The following AGBL4 variants were observed in gnomAD, a reference collection of about 807,000 sequenced individuals.
AGBL4 encodes AGBL carboxypeptidase 4.
AGBL4 carries 58 observed loss-of-function variants against 66.4 expected under a neutral mutation model. The observed-to-expected ratio is 0.87, with a 90% CI of 0.71 to 1.09. The LOEUF (loss-of-function observed/expected upper bound fraction) is 1.09, where lower values mean the gene tolerates loss of function less well. Among genes scored for constraint, AGBL4 ranks in the 50% least tolerant of loss-of-function variants. The pLI, the probability that AGBL4 is intolerant of heterozygous loss-of-function variation, is 0.00. For missense variants in AGBL4, 579 were observed against 631.0 expected (o/e 0.92, Z 0.88); for synonymous variants, 234 against 222.9 (o/e 1.05, Z -0.44).
intron 3 of AGBL4, among the ~76,000 whole-genome samples, chr1:49,295,019 T>C (rs1644612694): frequency 1.3e-5 from 2 of 152,210 alleles, no homozygotes. Context: ...AATGAATAAA[T>C]GTATGAATGC....
At chr1:49,678,752 T>C (rs1485618732) in intron 3 of AGBL4, among the ~76,000 whole-genome samples, 1 of 152,138 alleles carries the variant, frequency 6.6e-6, no homozygotes, top group Non-Finnish European at 1.5e-5. Context: ...AGTTTACAAA[T>C]GTTTGAAGAT....
chr1:48,642,007 A>G (rs1180580216), intron 8 of AGBL4, among the ~76,000 whole-genome samples: 1 of 152,172 alleles, frequency 6.6e-6, no homozygotes, highest in Non-Finnish European at 1.5e-5. Flanking sequence ...CACCCAGGGT[A>G]ATAAGTTGCA....
At chr1:49,738,547 G>C (rs1263649609) in intron 2 of AGBL4, among the ~76,000 whole-genome samples, 1 of 152,202 alleles carries the variant, frequency 6.6e-6, no homozygotes, top group African/African-American at 2.4e-5. Flanking sequence ...TGACAGCTTT[G>C]AAGAGCGTAG....
chr1:49,030,170 T>C (rs1237233565), intron 5 of AGBL4, among the ~76,000 whole-genome samples: 4 of 152,098 alleles, frequency 2.6e-5, no homozygotes, highest in Non-Finnish European at 5.9e-5. Flanking sequence ...GAAATCCTAA[T>C]CCCCAATGTG....
At position 49,051,877 on chromosome 1, in the gene AGBL4, C is replaced by T. The variant is rs1216101132; in HGVS notation, c.378-6077G>A. On this transcript the variant is annotated intron_variant, in intron 4 of 13. Transcript: ENST00000371839. ...GAGTAAGAGAGTGCTCAGATACAGG[C>T]AACACATTTTTACACCCAGTGTCTA... Among the ~76,000 whole-genome samples, 3 of 152,194 alleles carry T rather than the reference C, an allele frequency of 2.0e-5. No homozygotes were observed. In the East Asian group the frequency reaches 5.8e-4, roughly 29 times the overall value.
At chr1:49,981,695 T>G (rs1659069619) in intron 1 of AGBL4, among the ~76,000 whole-genome samples, 1 of 152,178 alleles carries the variant, frequency 6.6e-6, no homozygotes, top group Non-Finnish European at 1.5e-5. Flanking sequence ...CTGATCAAGA[T>G]AATAATCGCA....
At chr1:49,663,609 C>A (rs1174936478) in intron 3 of AGBL4, among the ~76,000 whole-genome samples, 1 of 152,044 alleles carries the variant, frequency 6.6e-6, no homozygotes, top group Non-Finnish European at 1.5e-5. Flanking sequence ...AATACTGAGT[C>A]ACTTTGTAAC....
intron 3 of AGBL4, among the ~76,000 whole-genome samples, chr1:49,657,706 C>G (rs1490590727): frequency 6.6e-6 from 1 of 152,224 alleles, no homozygotes; most frequent in South Asian, 2.1e-4. Context: ...TAATACCACA[C>G]ATCTACAACT....
intron 5 of AGBL4, among the ~76,000 whole-genome samples, chr1:48,897,412 C>T (rs1651624141): frequency 6.6e-6 from 1 of 152,204 alleles, no homozygotes; most frequent in Admixed American, 6.5e-5. Flanking sequence ...CGTATCTTGG[C>T]TATTGTGAAC....
chr1:49,229,569 T>C (rs1024776775), intron 4 of AGBL4, among the ~76,000 whole-genome samples: 8 of 152,190 alleles, frequency 5.3e-5, no homozygotes, highest in African/African-American at 1.9e-4. Context: ...TAGGATGACA[T>C]GGTCAGTGGG....
At chr1:49,085,279 C>G (rs1206639095) in intron 4 of AGBL4, among the ~76,000 whole-genome samples, 1 of 151,508 alleles carries the variant, frequency 6.6e-6, no homozygotes, top group East Asian at 2.0e-4. Flanking sequence ...TCATCATCAT[C>G]ATCATCATCA....
At chr1:49,968,600 C>T (rs1657773329) in intron 1 of AGBL4, among the ~76,000 whole-genome samples, 1 of 152,086 alleles carries the variant, frequency 6.6e-6, no homozygotes, top group South Asian at 2.1e-4. Context: ...TATTTATTTC[C>T]CAGCCTCTAC....
chr1:49,582,590 A>G (rs1011817761), intron 3 of AGBL4, among the ~76,000 whole-genome samples: 2 of 152,156 alleles, frequency 1.3e-5, no homozygotes, highest in African/African-American at 4.8e-5. Context: ...CTCACTAGTC[A>G]TGGAAGCTCA....
At chr1:49,557,768 G>A (rs1643939044) in intron 3 of AGBL4, among the ~76,000 whole-genome samples, 1 of 151,934 alleles carries the variant, frequency 6.6e-6, no homozygotes, top group African/African-American at 2.4e-5. Flanking sequence ...AGTGAACTGG[G>A]GAAGCACCTG....
At chr1:49,325,515 A>G (rs1049115096) in intron 3 of AGBL4, among the ~76,000 whole-genome samples, 1 of 152,224 alleles carries the variant, frequency 6.6e-6, no homozygotes, top group Non-Finnish European at 1.5e-5. Context: ...TAAAACAGTC[A>G]ATATCCCTTT....
chr1:49,768,733 T>C (rs1388984460), intron 2 of AGBL4, among the ~76,000 whole-genome samples: 1 of 152,098 alleles, frequency 6.6e-6, no homozygotes, highest in Non-Finnish European at 1.5e-5. Context: ...AGTCAAAATA[T>C]TTCTCTTCAC....
chr1:49,553,206 T>C (rs1221887969), intron 3 of AGBL4, among the ~76,000 whole-genome samples: 2 of 152,226 alleles, frequency 1.3e-5, no homozygotes, highest in African/African-American at 4.8e-5. Context: ...TTAATCACAA[T>C]ATAGATTGTA....
intron 2 of AGBL4, among the ~76,000 whole-genome samples, chr1:49,809,747 G>A (rs1377597129): frequency 6.6e-6 from 1 of 152,104 alleles, no homozygotes; most frequent in South Asian, 2.1e-4. Context: ...GTGATACAGA[G>A]AAATTTATAT....
chr1:49,577,642 C>T (rs1440767434), intron 3 of AGBL4, among the ~76,000 whole-genome samples: 5 of 152,212 alleles, frequency 3.3e-5, no homozygotes, highest in African/African-American at 9.6e-5. Context: ...CCTTATCCAC[C>T]GTCATGGTAT....
Sources: gnomAD v4.1 joint callset for allele counts (sites outside exome capture counted in the v4.1 genomes callset) on GRCh38, gnomAD v4.1.1 for gene constraint, MANE v1.5 for transcripts, NCBI Gene and HGNC (gene_info 2026-07-23, HGNC 2026-07-21) for gene names.